Variants in ZMYM2 observed in about 807,000 individuals in gnomAD.
The protein encoded by ZMYM2 is zinc finger MYM-type containing 2, also known as zinc finger MYM-type protein 2.
A neutral mutation model predicts 162.8 loss-of-function variants in ZMYM2; 56 were observed. That is an observed-to-expected ratio of 0.34 (90% CI 0.28 to 0.43). The LOEUF (loss-of-function observed/expected upper bound fraction) is 0.43, where lower values mean the gene tolerates loss of function less well. Among genes scored for constraint, ZMYM2 ranks in the 20% least tolerant of loss-of-function variants. ZMYM2 has a pLI of 1.00. For synonymous variants in ZMYM2, 510 were observed against 541.6 expected (o/e 0.94, Z 0.81); for missense variants, 1,275 against 1,621.8 (o/e 0.79, Z 3.67).
chr13:19,891,076 G>A, the ZMYM2 span, among the ~76,000 whole-genome samples: 4 of 151,824 alleles, frequency 2.6e-5, no homozygotes, highest in Non-Finnish European at 5.9e-5. Flanking sequence ...AAATGTTTAC[G>A]TTGAAGCCCT....
At chr13:20,067,132 CATTTT>C (rs1956741659) in intron 20 of ZMYM2, 102 bp from the exon 21 acceptor site, 4 of 1,368,868 alleles carry the variant, frequency 2.9e-6, no homozygotes, top group African/African-American at 1.5e-5. Context: ...TGTAAGAATG[CATTTT>C]ATTTTACTTC....
At chr13:19,957,486 C>T (rs535590643), upstream of ZMYM2, among the ~76,000 whole-genome samples, 1 of 152,188 alleles carries the variant, frequency 6.6e-6, no homozygotes, top group African/African-American at 2.4e-5. Context: ...TGACGTCCGC[C>T]GAAGACGTAG....
chr13:20,059,945 G>A (rs1166112031), intron 16 of ZMYM2, among the ~76,000 whole-genome samples: 1 of 152,132 alleles, frequency 6.6e-6, no homozygotes, highest in Non-Finnish European at 1.5e-5. Flanking sequence ...GAGGTAGGAA[G>A]ATTGCTTGAG....
chr13:20,034,206 C>G, intron 10 of ZMYM2, 48 bp from the exon 11 acceptor site: 1 of 1,346,474 alleles, frequency 7.4e-7, no homozygotes. Flanking sequence ...GTGTTTATTT[C>G]TTAAGCTTGT....
At chr13:20,015,667 G>A (rs1951561168) in intron 6 of ZMYM2, among the ~76,000 whole-genome samples, 3 of 151,966 alleles carry the variant, frequency 2.0e-5, no homozygotes, top group Non-Finnish European at 4.4e-5. Flanking sequence ...TTTGATACTT[G>A]GTATGTATAT....
At chr13:20,026,347 G>A (rs1952578921) in intron 7 of ZMYM2, 4 of 268,806 alleles carry the variant, frequency 1.5e-5, no homozygotes, top group South Asian at 1.1e-4. Context: ...TTAACTCTAT[G>A]TAGGGATTCT....
chr13:20,067,164 A>AG lies in ZMYM2; in HGVS notation c.3302-75_3302-74insG. On this transcript the variant is annotated intron_variant, in intron 20 of 24. Coordinates refer to ENST00000610343, the MANE Select transcript of ZMYM2 (RefSeq NM_197968.4). Reference sequence around the variant, plus strand: ...TTTTACTTCAGAGCTCTTACAAAGAATAACGTCAGAAAGTTTCTTAACCTT... The same window carrying AG: ...TTTTACTTCAGAGCTCTTACAAAGAAGTAACGTCAGAAAGTTTCTTAACCTT... 2.8e-6 allele frequency: 4 copies of AG among 1,415,476 alleles called. No individual in the cohort carries two copies. In the South Asian group the frequency reaches 6.0e-5, roughly 21 times the overall value. 87.7% of individuals were successfully genotyped at this position (1,415,476 alleles called of 1,614,324 possible).
chr13:19,890,354 G>T, the ZMYM2 span, among the ~76,000 whole-genome samples: 1 of 151,396 alleles, frequency 6.6e-6, no homozygotes, highest in Non-Finnish European at 1.5e-5. Context: ...TTTTTATAGA[G>T]ACAGGGTCTC....
Position 20,086,067 on chromosome 13 carries a change from GC to G in ZMYM2, c.*54del. The G allele has an allele frequency of 1.3e-6, 2 of 1,546,708 alleles. No individual in the cohort carries two copies. Among genetic ancestry groups the G allele is most frequent in the Non-Finnish European group, 1.8e-6 (2 of 1,137,194 alleles). On this transcript the variant is annotated 3_prime_UTR_variant, in exon 25 of 25. Coordinates refer to ENST00000610343, the MANE Select transcript of ZMYM2 (RefSeq NM_197968.4). ...TAAAACAGCATTAGATAGTCATGCTGCTAGATCTTTATTATGGAAAACATTT... is the reference window on the plus strand; with the variant it reads ...TAAAACAGCATTAGATAGTCATGCTGTAGATCTTTATTATGGAAAACATTT...
Position 20,051,508 on chromosome 13 carries a change from T to C in ZMYM2, c.2368T>C (p.Phe790Leu). 1 of 1,613,624 alleles carries C rather than the reference T, an allele frequency of 6.2e-7. No individual in the cohort carries two copies. The highest frequency in any genetic ancestry group is 8.5e-7 in the Non-Finnish European group (1 of 1,179,638). Residue 790 changes from phenylalanine to leucine, a missense_variant, in exon 13 of 25, where the codon TTC becomes CTC. Physicochemically the swap from Phe to Leu is conservative, Grantham distance 22. Transcript: ENST00000610343. Reference protein sequence around the residue: ...RVQWRGEMKHFCDQHCLLRFY... With the variant: ...RVQWRGEMKHLCDQHCLLRFY... Reference sequence around the variant, plus strand: ...TCAGTGGCGTGGGGAAATGAAACATTTCTGTGATCAACATTGCTTACTGCG... The same window carrying C: ...TCAGTGGCGTGGGGAAATGAAACATCTCTGTGATCAACATTGCTTACTGCG...
the ZMYM2 span, among the ~76,000 whole-genome samples, chr13:19,932,550 G>A: frequency 6.6e-6 from 1 of 152,096 alleles, no homozygotes; most frequent in Non-Finnish European, 1.5e-5. Flanking sequence ...TCGGGAGGCT[G>A]AGGCAGAATT....
chr13:20,013,273 A>G lies in ZMYM2; in HGVS notation c.1513-6274A>G, dbSNP rs142615369. 3.9e-5 allele frequency among the ~76,000 whole-genome samples: 6 copies of G among 152,190 alleles called. No individual in the cohort carries two copies. In the East Asian group the frequency reaches 9.6e-4, roughly 24 times the overall value. ...TTTTCAGATTGTACATTACTAGTAT[A>G]TAGAAACATCTGATTTTTGTACATT... On this transcript the variant is annotated intron_variant, in intron 6 of 24. Coordinates refer to ENST00000610343, the MANE Select transcript of ZMYM2 (RefSeq NM_197968.4).
the ZMYM2 span, among the ~76,000 whole-genome samples, chr13:19,885,961 A>ACACACATATGTGTATATACACACATATG: frequency 1.2e-4 from 4 of 33,160 alleles, 1 homozygote; most frequent in South Asian, 4.8e-3. Flanking sequence ...ACACATATAT[A>ACACACATATGTGTATATACACACATATG]TGTGTATACA....
chr13:20,018,882 C>A (rs1951832849), intron 6 of ZMYM2, among the ~76,000 whole-genome samples: 1 of 152,048 alleles, frequency 6.6e-6, no homozygotes, highest in Non-Finnish European at 1.5e-5. Flanking sequence ...GAGTTGGAGA[C>A]CAGCCTGGCC....
At chr13:19,965,439 A>C (rs1424395162) in intron 2 of ZMYM2, among the ~76,000 whole-genome samples, 1 of 152,228 alleles carries the variant, frequency 6.6e-6, no homozygotes, top group Non-Finnish European at 1.5e-5. Context: ...TGGACTAGAC[A>C]GAGTGTTCAG....
At chr13:20,068,285 T>C (rs1351350493) in intron 21 of ZMYM2, 1 of 178,350 alleles carries the variant, frequency 5.6e-6, no homozygotes, top group African/African-American at 2.4e-5. Flanking sequence ...AGGTCCACCA[T>C]TCCACAAACC....
At chr13:19,950,523 C>A in the ZMYM2 span, among the ~76,000 whole-genome samples, 1 of 152,166 alleles carries the variant, frequency 6.6e-6, no homozygotes, top group Non-Finnish European at 1.5e-5. Flanking sequence ...AAACCATGTT[C>A]AAATAAGGCA....
intron 2 of ZMYM2, chr13:19,965,229 T>C (rs747859447): frequency 1.2e-4 from 158 of 1,293,654 alleles, no homozygotes; most frequent in Middle Eastern, 4.2e-4. Context: ...GCCATACATG[T>C]GTATATTACT....
At chr13:19,924,411 T>A in the ZMYM2 span, among the ~76,000 whole-genome samples, 1 of 151,652 alleles carries the variant, frequency 6.6e-6, no homozygotes, top group Admixed American at 6.6e-5. Context: ...CAAAAAAAAA[T>A]CTAAAAATTA....
Sources: gnomAD v4.1 joint callset for allele counts (sites outside exome capture counted in the v4.1 genomes callset) on GRCh38, gnomAD v4.1.1 for gene constraint, MANE v1.5 for transcripts, NCBI Gene and HGNC (gene_info 2026-07-23, HGNC 2026-07-21) for gene names.